The following THOC1 variants were observed in gnomAD, a reference collection of about 807,000 sequenced individuals.
THOC1 encodes the protein THO complex 1.
A neutral mutation model predicts 97.3 loss-of-function variants in THOC1; 29 were observed. That is an observed-to-expected ratio of 0.30 (90% confidence interval 0.22 to 0.41). THOC1 has a LOEUF of 0.41. THOC1 is among the 10% of genes least tolerant of loss of function. THOC1 has a pLI of 1.00. For synonymous variants in THOC1, 255 were observed against 257.0 expected (o/e 0.99, Z 0.07); for missense variants, 529 against 761.9 (o/e 0.69, Z 3.60).
rs548556344 is a variant in THOC1 at position 223,942 on chromosome 18, T to G, written c.1304+142A>C. The G allele has an allele frequency of 4.5e-6, 3 of 664,246 alleles. No individual in the cohort carries two copies. The Admixed American group carries it at 7.5e-5, about 17-fold the overall frequency. The allele number at this position is 664,246 out of a possible 1,614,324, so 41.1% of individuals were successfully genotyped here. A position where few individuals can be genotyped will look rare whatever the true frequency, so the allele number is the denominator to read the frequency against. On this transcript the variant is annotated intron_variant, in intron 16 of 20. Coordinates refer to ENST00000261600, the MANE Select transcript of THOC1 (RefSeq NM_005131.3). ...GCATGAACCCACACAATGGGCAGTA[T>G]AGACAGTGCGGTTTGCTTTGGCTAT...
chr18:254,438 C>A lies in THOC1; in HGVS notation c.521-83G>T. 1 of 804,196 alleles carries A rather than the reference C, an allele frequency of 1.2e-6. No homozygotes were observed. Among genetic ancestry groups the A allele is most frequent in the South Asian group, 1.5e-5 (1 of 65,658 alleles). 49.8% of individuals were successfully genotyped at this position (804,196 alleles called of 1,614,324 possible). A position where few individuals can be genotyped will look rare whatever the true frequency, so the allele number is the denominator to read the frequency against. The stretch of plus-strand genomic sequence containing the variant: ...ATAACTTGTGTCATAATCAAAACTA[C>A]AAAATGCCAAATCCATAAAGAGCAG... On this transcript the variant is annotated intron_variant, in intron 7 of 20. Coordinates refer to ENST00000261600, the MANE Select transcript of THOC1 (RefSeq NM_005131.3). This position sits in a 1 kb window ranked among gnomAD's most constrained non-coding sequence, Gnocchi z 4.1.
chr18:261,495 A>G (rs1912604269), intron 4 of THOC1, among the ~76,000 whole-genome samples: 1 of 152,224 alleles, frequency 6.6e-6, no homozygotes, highest in Non-Finnish European at 1.5e-5. Context: ...TTTCAACTCA[A>G]TACAAGGGAA....
intron 11 of THOC1, among the ~76,000 whole-genome samples, chr18:237,108 G>A (rs1911730802): frequency 6.6e-6 from 1 of 150,918 alleles, no homozygotes; most frequent in Non-Finnish European, 1.5e-5. Flanking sequence ...TGATCAGACT[G>A]TGTGGCTTGA....
At chr18:221,844 A>G (rs535729952) in intron 17 of THOC1, among the ~76,000 whole-genome samples, 200 of 152,156 alleles carry the variant, frequency 1.3e-3, no homozygotes, top group Middle Eastern at 6.9e-3. Context: ...TCCTGACCTC[A>G]TGATCCGCCC....
chr18:264,576 C>T (rs973633747), intron 3 of THOC1, among the ~76,000 whole-genome samples: 3 of 152,132 alleles, frequency 2.0e-5, no homozygotes, highest in African/African-American at 4.8e-5. Flanking sequence ...ACTGAAAGAA[C>T]GGTATTTCCC....
chr18:222,425 TTTAAC>T (rs1911124057), intron 17 of THOC1, among the ~76,000 whole-genome samples: 1 of 152,184 alleles, frequency 6.6e-6, no homozygotes, highest in Non-Finnish European at 1.5e-5. Context: ...ACCACAACTG[TTTAAC>T]TTGTTACAGA....
chr18:243,399 T>C (rs1911976044), intron 11 of THOC1, among the ~76,000 whole-genome samples: 1 of 152,156 alleles, frequency 6.6e-6, no homozygotes, highest in African/African-American at 2.4e-5. Flanking sequence ...TGTTTTTCAT[T>C]ACTAAAATGT....
At chr18:230,324 C>G (rs886582505) in intron 11 of THOC1, among the ~76,000 whole-genome samples, 1 of 152,130 alleles carries the variant, frequency 6.6e-6, no homozygotes, top group African/African-American at 2.4e-5. Flanking sequence ...TTTGAAGGAC[C>G]GAAGTACACA....
intron 4 of THOC1, chr18:261,242 CTTCT>C (rs1158988311): frequency 3.9e-5 from 6 of 152,046 alleles, no homozygotes; most frequent in African/African-American, 1.4e-4. Context: ...CTCATTCTTC[CTTCT>C]ATTTTAAGGC....
At chr18:267,360 G>C (rs140983640) in intron 1 of THOC1, among the ~76,000 whole-genome samples, 1 of 152,328 alleles carries the variant, frequency 6.6e-6, no homozygotes, top group Non-Finnish European at 1.5e-5. Context: ...AGTTAAATGA[G>C]AAAGTGATCT....
At chr18:263,322 G>A (rs963083414) in intron 4 of THOC1, among the ~76,000 whole-genome samples, 5 of 150,972 alleles carry the variant, frequency 3.3e-5, no homozygotes, top group South Asian at 2.1e-4. Flanking sequence ...CTCATGATCC[G>A]CCCGTCTCAG....
chr18:258,212 G>C (rs1483640304), intron 7 of THOC1, among the ~76,000 whole-genome samples: 1 of 152,000 alleles, frequency 6.6e-6, no homozygotes, highest in Non-Finnish European at 1.5e-5. Flanking sequence ...TTTCCCGTGA[G>C]ATGAAATCCT....
At position 218,885 on chromosome 18, in the gene THOC1, C is replaced by T. The variant is rs374768715; in HGVS notation, c.1454+1G>A. On this transcript the variant is annotated splice_donor_variant, in intron 18 of 20. Transcript: ENST00000261600. LOFTEE classifies it high-confidence loss of function. ...AAGGAGCTAATGAGGAGCATACTTACTTATATTCATTTTCCACCATATTTT... is the reference window on the plus strand; with the variant it reads ...AAGGAGCTAATGAGGAGCATACTTATTTATATTCATTTTCCACCATATTTT... The T allele has an allele frequency of 6.3e-7, 1 of 1,591,240 alleles. No homozygotes were observed. The highest frequency in any genetic ancestry group is 1.3e-5 in the African/African-American group (1 of 74,646).
Position 267,976 on chromosome 18 carries a change from G to C in THOC1, c.44C>G (p.Thr15Arg), listed in dbSNP as rs369145062. The C allele has an allele frequency of 1.9e-6, 3 of 1,611,702 alleles. No homozygotes were observed. The highest frequency in any genetic ancestry group is 2.5e-6 in the Non-Finnish European group (3 of 1,179,174). Residue 15 changes from threonine to arginine, a missense_variant, in exon 1 of 21, where the codon ACG (threonine) becomes AGG (arginine). Around this residue, in one of 8 missense-constraint regions of THOC1, gnomAD observed 114 missense variants for 97.4 expected, o/e 1.17. Coordinates refer to ENST00000261600, the MANE Select transcript of THOC1 (RefSeq NM_005131.3). ...CCCTCTACAGCTCACCGTAAACCGC[G>C]TCCGCGCTTCGGGCAAACTGAAGAG... ...PPLFSLPEAR[T>R]RFTKSTREAL... is the part of the protein sequence containing the mutation.
intron 11 of THOC1, among the ~76,000 whole-genome samples, chr18:229,195 G>T (rs1405161093): frequency 1.3e-5 from 2 of 152,092 alleles, no homozygotes; most frequent in Admixed American, 6.5e-5. Context: ...TAACTGCCCT[G>T]GTTTCTGTAT....
chr18:246,408 A>C lies in THOC1; in HGVS notation c.834T>G (p.Asp278Glu), dbSNP rs1465656285. The C allele has an allele frequency of 1.3e-6, 2 of 1,598,252 alleles. No homozygotes were observed. Among genetic ancestry groups the C allele is most frequent in the Non-Finnish European group, 8.6e-7 (1 of 1,167,962 alleles). The stretch of plus-strand genomic sequence containing the variant: ...CCATCTTTTTTCTTGAGGCCTGAGT[A>C]TCATCTAATTTATAACTCTTAAAAA... ...LAVFKSYKLD[D>E]TQASRKKMEE... The change falls in exon 11 of 21, where the codon GAT becomes GAG. Residue 278 changes from aspartate (D) to glutamate (E), a missense_variant. Coordinates refer to ENST00000261600, the MANE Select transcript of THOC1 (RefSeq NM_005131.3).
chr18:239,289 C>T (rs13381174), intron 11 of THOC1, among the ~76,000 whole-genome samples: 24,986 of 152,050 alleles, frequency 0.16, 2,461 homozygotes, highest in African/African-American at 0.26. Flanking sequence ...CCCTAACATA[C>T]GATACTTTTA....
chr18:224,868 T>C, intron 15 of THOC1, 56 bp downstream of exon 15: 1 of 1,377,262 alleles, frequency 7.3e-7, no homozygotes, highest in Non-Finnish European at 1.0e-6. Flanking sequence ...TTCAAAAGCC[T>C]TTCTCGTCGT....
At chr18:265,707 CCTCAT>C (rs942746810) in intron 1 of THOC1, among the ~76,000 whole-genome samples, 177 bp from the exon 2 acceptor site, 4 of 152,150 alleles carry the variant, frequency 2.6e-5, no homozygotes, top group Non-Finnish European at 4.4e-5. Context: ...TGATACGGAT[CCTCAT>C]CACTTTAAAT....
Sources: gnomAD v4.1 joint callset for allele counts (sites outside exome capture counted in the v4.1 genomes callset) on GRCh38, gnomAD v4.1.1 for gene constraint, gnomAD v4.1.1 regional missense constraint, Gnocchi (gnomAD v3.1) non-coding constraint, MANE v1.5 for transcripts, NCBI Gene and HGNC (gene_info 2026-07-23, HGNC 2026-07-21) for gene names.